Variants in PIEZO1 observed in about 807,000 individuals in gnomAD.
PIEZO1 encodes the protein piezo type mechanosensitive ion channel component 1 (Er blood group).
In PIEZO1, 296 loss-of-function variants were observed where a neutral mutation model predicts 297.2. The observed-to-expected ratio is 1.00, with a 90% CI of 0.91 to 1.10. The LOEUF (loss-of-function observed/expected upper bound fraction) is 1.10. Among genes scored for constraint, PIEZO1 ranks in the 50% least tolerant of loss-of-function variants. The pLI is 0.00. For synonymous variants in PIEZO1, 2,427 were observed against 1,507.5 expected (o/e 1.61, Z -14.13); for missense variants, 5,018 against 3,455.5 (o/e 1.45, Z -11.34).
At chr16:88,736,043 C>T in intron 12 of PIEZO1, 105 bp downstream of exon 12, 1 of 1,183,288 alleles carries the variant, frequency 8.5e-7, no homozygotes, top group Non-Finnish European at 1.2e-6. Flanking sequence ...ACACATCTGC[C>T]TTCTTGGCGC....
intron 35 of PIEZO1, 54 bp from the exon 36 acceptor site, chr16:88,722,451 C>A: frequency 6.9e-7 from 1 of 1,459,778 alleles, no homozygotes; most frequent in South Asian, 1.4e-5. Context: ...TGACCCCAGG[C>A]TACAGGGAGG....
intron 1 of PIEZO1, among the ~76,000 whole-genome samples, chr16:88,753,792 T>C (rs995029651): frequency 6.6e-6 from 1 of 152,206 alleles, no homozygotes; most frequent in Non-Finnish European, 1.5e-5. Flanking sequence ...AGGGGGAGAC[T>C]TCAGAGCAGG....
At position 88,723,305 on chromosome 16, in the gene PIEZO1, G is replaced by T. The variant is rs1180687220; in HGVS notation, c.4359C>A (p.Thr1453=). The change falls in exon 32 of 51, where the codon ACC becomes ACA. Residue 1453 remains threonine (T), a synonymous_variant. Transcript: ENST00000301015. ...GCCGCCTCAGCACCGCCTGGGCGTT[G>T]GTCACCCATGCCTGGTACGCCAGCT... ...AFQLAYQAWV[T]NAQAVLRRRQ... 13 of 1,539,400 alleles carry T rather than the reference G, an allele frequency of 8.4e-6. No individual in the cohort carries two copies. The South Asian group carries it at 1.4e-4, about 17-fold the overall frequency.
At chr16:88,727,781 G>A (rs780201224) in intron 22 of PIEZO1, 120 bp from the exon 23 acceptor site, 29 of 486,020 alleles carry the variant, frequency 6.0e-5, no homozygotes, top group Non-Finnish European at 8.2e-5. Context: ...ATCACCTCGC[G>A]CACACCTGGT....
At chr16:88,753,785 G>A (rs1203682698) in intron 1 of PIEZO1, among the ~76,000 whole-genome samples, 1 of 152,246 alleles carries the variant, frequency 6.6e-6, no homozygotes, top group Non-Finnish European at 1.5e-5. Flanking sequence ...AAGCCAGAGG[G>A]GGAGACTTCA....
Position 88,735,219 on chromosome 16 carries a change from G to A in PIEZO1, c.1585C>T (p.Leu529=), listed in dbSNP as rs1018874127. The change falls in exon 13 of 51, where the codon CTG becomes TTG. Residue 529 remains leucine, a synonymous_variant. Transcript: ENST00000301015. ...TTCTCTTTCACAAACTGGCGCAGCA[G>A]GAGCCAGAAGGTCAGGGTGTAGAGC... ...MLLYTLTFWL[L]LRQFVKEKLL... 3.2e-6 allele frequency: 5 copies of A among 1,550,232 alleles called. No homozygotes were observed. Among genetic ancestry groups the A allele is most frequent in the African/African-American group, 2.7e-5 (2 of 73,062 alleles).
intron 1 of PIEZO1, among the ~76,000 whole-genome samples, chr16:88,758,384 C>T (rs909830384): frequency 1.8e-4 from 27 of 152,236 alleles, no homozygotes; most frequent in African/African-American, 6.0e-4. Context: ...GGCCTGGGGG[C>T]AACCCTGGCT....
At position 88,719,703 on chromosome 16, in the gene PIEZO1, G is replaced by T; in HGVS notation, c.6342C>A (p.Phe2114Leu). 6.4e-7 allele frequency: 1 copy of T among 1,551,684 alleles called. No individual in the cohort carries two copies. Among genetic ancestry groups the T allele is most frequent in the Non-Finnish European group, 8.7e-7 (1 of 1,147,722 alleles). Residue 2114 changes from phenylalanine to leucine, a missense_variant, in exon 44 of 51, where the codon TTC becomes TTA. Coordinates refer to ENST00000301015, the MANE Select transcript of PIEZO1 (RefSeq NM_001142864.4). ...FLFQGFRLVP[F>L]LVELRAVMDW... ...CCATCACTGCCCGCAGCTCCACCAGGAACGGCACCAGCCGGAACCTGCCCA... is the reference window on the plus strand; with the variant it reads ...CCATCACTGCCCGCAGCTCCACCAGTAACGGCACCAGCCGGAACCTGCCCA...
rs779213657 is a variant in PIEZO1, at chr16:88,719,585, C to T, written c.6460G>A (p.Glu2154Lys). Residue 2154 changes from glutamate to lysine, a missense_variant, in exon 44 of 51, where the codon GAG becomes AAG. Transcript: ENST00000301015. ...CTGGGCCCAGGCACCTTCTCTGTCT[C>T]TCGGCTGCATTTGATGATGAAGATG... ...ANIFIIKCSR[E>K]TEKKYPQPKG... 35 of 1,550,710 alleles carry T rather than the reference C, an allele frequency of 2.3e-5. No homozygotes were observed. Among genetic ancestry groups the T allele is most frequent in the Middle Eastern group, 1.7e-4 (1 of 6,012 alleles).
chr16:88,717,838 A>G (rs1321064553), intron 44 of PIEZO1: 1 of 439,358 alleles, frequency 2.3e-6, no homozygotes, highest in Non-Finnish European at 4.5e-6. Context: ...ACTCTAATAA[A>G]AAACAACCCA....
chr16:88,752,787 G>T (rs532587975), intron 1 of PIEZO1, among the ~76,000 whole-genome samples: 1 of 147,756 alleles, frequency 6.8e-6, no homozygotes, highest in Non-Finnish European at 1.5e-5. Flanking sequence ...ACCCGGCAGG[G>T]CAAGTCCCCT....
intron 44 of PIEZO1, 162 bp downstream of exon 44, chr16:88,719,412 G>A (rs1015436052): frequency 9.4e-6 from 6 of 640,582 alleles, no homozygotes; most frequent in Admixed American, 2.8e-5. Flanking sequence ...AAGATCACTG[G>A]CCTCGTGATC....
Position 88,738,002 on chromosome 16 carries a change from C to T in PIEZO1, c.952G>A (p.Val318Ile), listed in dbSNP as rs745759003. The T allele has an allele frequency of 1.5e-5, 23 of 1,535,166 alleles. No individual in the cohort carries two copies. Among genetic ancestry groups the T allele is most frequent in the African/African-American group, 2.7e-5 (2 of 73,036 alleles). The change falls in exon 8 of 51, where the codon GTC (valine) becomes ATC (isoleucine). Residue 318 changes from valine (V) to isoleucine (I), a missense_variant. Val to Ile is a conservative substitution (Grantham distance 29). Transcript: ENST00000301015. ...GTGGCGTAGCACAGCAGCAGGAGGA[C>T]GCCGGGGCTGGCATACACAGGCCAG... ...LDWPVYASPGVLLLLCYATAS... is the reference protein window; with the variant it reads ...LDWPVYASPGILLLLCYATAS...
chr16:88,770,045 T>C (rs1907351753), intron 1 of PIEZO1, among the ~76,000 whole-genome samples: 1 of 152,176 alleles, frequency 6.6e-6, no homozygotes, highest in Non-Finnish European at 1.5e-5. Context: ...TGAGGGACTG[T>C]TGACGCATGG....
chr16:88,738,952 C>T, intron 5 of PIEZO1: 1 of 589,560 alleles, frequency 1.7e-6, no homozygotes, highest in Non-Finnish European at 3.0e-6. Context: ...TTCCTGCAGG[C>T]CTTCCTGGTA....
chr16:88,756,144 C>T (rs1484265901), intron 1 of PIEZO1, among the ~76,000 whole-genome samples: 2 of 152,270 alleles, frequency 1.3e-5, no homozygotes, highest in East Asian at 3.9e-4. Context: ...CTGGGAGCCT[C>T]GAGGGTGGTC....
In PIEZO1 at chr16:88,731,906, C is replaced by T. The variant is rs1471206664; in HGVS notation, c.2996G>A (p.Cys999Tyr). The T allele has an allele frequency of 3.9e-5, 18 of 456,170 alleles. No homozygotes were observed. Among genetic ancestry groups the T allele is most frequent in the Non-Finnish European group, 4.9e-5 (18 of 369,062 alleles). The allele number at this position is 456,170 out of a possible 1,614,324, so 28.3% of individuals were successfully genotyped here. Residue 999 changes from cysteine (C) to tyrosine (Y), a missense_variant, in exon 22 of 51, where the codon TGC becomes TAC. Coordinates refer to ENST00000301015, the MANE Select transcript of PIEZO1 (RefSeq NM_001142864.4). ...FFFYKFGLEI[C>Y]FLMAVNVIGQ... ...GATCACGTTCACGGCCATCAGGAAG[C>T]AGATCTGGGGAGGGGAGAGGGCGGG... is the stretch of plus-strand genomic sequence containing the variant.
At chr16:88,718,682 G>C (rs897187291) in intron 44 of PIEZO1, 1 of 152,248 alleles carries the variant, frequency 6.6e-6, no homozygotes, top group Non-Finnish European at 1.5e-5. Context: ...AGGGGAAACC[G>C]AGTGACAGCC....
Position 88,764,582 on chromosome 16 carries a change from C to T in PIEZO1, c.65-15103G>A, listed in dbSNP as rs539812507. 3.2e-4 allele frequency among the ~76,000 whole-genome samples: 48 copies of T among 151,932 alleles called. 1 individual carries two copies. Among genetic ancestry groups the T allele is most frequent in the Middle Eastern group, 3.4e-3 (1 of 294 alleles). On this transcript the variant is annotated intron_variant, in intron 1 of 50. Transcript: ENST00000301015. ...CCTGGCCAACATGACGAAACCCCGTCGCTACTAAAAATACAAAAATTAGCC... is the reference window on the plus strand; with the variant it reads ...CCTGGCCAACATGACGAAACCCCGTTGCTACTAAAAATACAAAAATTAGCC...
Sources: gnomAD v4.1 joint callset for allele counts (sites outside exome capture counted in the v4.1 genomes callset) on GRCh38, gnomAD v4.1.1 for gene constraint, MANE v1.5 for transcripts, NCBI Gene and HGNC (gene_info 2026-07-23, HGNC 2026-07-21) for gene names.